FLNB: variants seen among roughly 807,000 people sequenced by gnomAD.
FLNB encodes filamin-B.
In FLNB, 111 loss-of-function variants were observed where a neutral mutation model predicts 250.6. The ratio of observed to expected loss-of-function variants is 0.44; its 90% CI spans 0.38 to 0.52. The LOEUF is 0.52. Ranked by LOEUF, FLNB falls within the 20% of genes least tolerant of loss-of-function variation. The pLI, the probability that FLNB is intolerant of heterozygous loss-of-function variation, is 0.00. For synonymous variants in FLNB, 1,302 were observed against 1,372.1 expected (o/e 0.95, Z 1.13); for missense variants, 2,869 against 3,447.8 (o/e 0.83, Z 4.20).
At chr3:58,152,806 C>T (rs767359468) in intron 38 of FLNB, 31 of 1,266,246 alleles carry the variant, frequency 2.4e-5, no homozygotes, top group Admixed American at 4.2e-5. Flanking sequence ...GCCCCGCATG[C>T]GGCCGCCTGG....
chr3:58,159,559 G>A lies in FLNB; in HGVS notation c.6894G>A (p.Ser2298=), dbSNP rs141740204. Residue 2298 remains serine, a synonymous_variant, in exon 42 of 46, where the codon TCG becomes TCA. Transcript: ENST00000295956. ...CTGATGTATTAAATTCTCAGGAATC[G>A]GGATTAAAAGTTAACCAGCCAGCAT... ...RRLTVMSLQE[S]GLKVNQPASF... is the part of the protein sequence containing the mutation. The A allele has an allele frequency of 1.2e-5, 19 of 1,613,984 alleles. No homozygotes were observed. The highest frequency in any genetic ancestry group is 9.9e-5 in the South Asian group (9 of 91,082).
intron 12 of FLNB, among the ~76,000 whole-genome samples, chr3:58,107,283 G>A (rs1164224511): frequency 6.6e-6 from 1 of 152,080 alleles, no homozygotes; most frequent in Non-Finnish European, 1.5e-5. Context: ...CACCCGCCTC[G>A]GCCCTCCCAA....
chr3:58,107,499 G>A (rs148771914), intron 12 of FLNB, among the ~76,000 whole-genome samples: 5 of 152,308 alleles, frequency 3.3e-5, no homozygotes, highest in African/African-American at 4.8e-5. Flanking sequence ...CATAAAGACC[G>A]CCTTTGGCTT....
rs547309885 is a variant in FLNB, at chr3:58,065,818, A to G, written c.293-11228A>G. On this transcript the variant is annotated intron_variant, in intron 1 of 45. Coordinates refer to ENST00000295956, the MANE Select transcript of FLNB (RefSeq NM_001457.4). ...GTTTCAGGTGAGGTGGCCTCACCAC[A>G]TGACAAACTGAGCTGGAGTCAAAGG... Among the ~76,000 whole-genome samples, 3 of 152,368 alleles carry G rather than the reference A, an allele frequency of 2.0e-5. No individual in the cohort carries two copies. The South Asian group carries it at 6.2e-4, about 32-fold the overall frequency.
Position 58,169,207 on chromosome 3 carries a change from G to C in FLNB, c.7418-383G>C, listed in dbSNP as rs925137189. ...GAAAAATCATCCTTTCTCATCCACAGAATCATTTTTTGATATTTCATTATA... is the reference window on the plus strand; with the variant it reads ...GAAAAATCATCCTTTCTCATCCACACAATCATTTTTTGATATTTCATTATA... On this transcript the variant is annotated intron_variant, in intron 44 of 45. Transcript: ENST00000295956. The surrounding 1 kb of genome is among the most constrained non-coding windows in gnomAD (Gnocchi z 4.8). 1.4e-5 allele frequency: 4 copies of C among 279,286 alleles called. No individual in the cohort carries two copies. Among genetic ancestry groups the C allele is most frequent in the Non-Finnish European group, 2.7e-5 (4 of 145,954 alleles). 17.3% of individuals were successfully genotyped at this position (279,286 alleles called of 1,614,324 possible).
chr3:58,077,169 A>G lies in FLNB; in HGVS notation c.416A>G (p.Gln139Arg). 6.2e-7 allele frequency: 1 copy of G among 1,614,196 alleles called. No homozygotes were observed. Among genetic ancestry groups the G allele is most frequent in the Non-Finnish European group, 8.5e-7 (1 of 1,180,020 alleles). Residue 139 changes from glutamine (Q) to arginine (R), a missense_variant, in exon 2 of 46, where the codon CAG becomes CGG. Gln to Arg is a conservative substitution (Grantham distance 43). Transcript: ENST00000295956. ...EDEGDDDAKK[Q>R]TPKQRLLGWI... ...GAAGGGGATGATGATGCCAAGAAGC[A>G]GACGCCAAAGCAGAGGCTGCTGGGG...
chr3:58,142,843 G>A lies in FLNB; in HGVS notation c.5284+91G>A. ...GGGGAGGTGTGTCCACTGTCCCCCAGACCCAGGCTCCTTAACCCAGGGTCA... is the reference window on the plus strand; with the variant it reads ...GGGGAGGTGTGTCCACTGTCCCCCAAACCCAGGCTCCTTAACCCAGGGTCA... On this transcript the variant is annotated intron_variant, in intron 31 of 45. Transcript: ENST00000295956. The surrounding 1 kb of genome is among the most constrained non-coding windows in gnomAD (Gnocchi z 4.3). 4.4e-6 allele frequency: 5 copies of A among 1,137,350 alleles called. No individual in the cohort carries two copies. In the South Asian group the frequency reaches 6.3e-5, roughly 14 times the overall value. The allele number at this position is 1,137,350 out of a possible 1,614,324, so 70.5% of individuals were successfully genotyped here. A position where few individuals can be genotyped will look rare whatever the true frequency, so the allele number is the denominator to read the frequency against.
intron 1 of FLNB, among the ~76,000 whole-genome samples, chr3:58,052,292 A>G (rs192934028): frequency 6.6e-6 from 1 of 152,308 alleles, no homozygotes; most frequent in East Asian, 1.9e-4. Context: ...CTCCATGTAG[A>G]TTAGTACCAC....
At chr3:58,085,852 C>T (rs1244757957) in intron 4 of FLNB, among the ~76,000 whole-genome samples, 1 of 152,204 alleles carries the variant, frequency 6.6e-6, no homozygotes, top group Non-Finnish European at 1.5e-5. Flanking sequence ...GTTCAACTTT[C>T]TAACCAGCCA....
chr3:58,086,853 G>A lies in FLNB; in HGVS notation c.787+5077G>A, dbSNP rs1041236892. Among the ~76,000 whole-genome samples the A allele has an allele frequency of 7.9e-5, 12 of 152,198 alleles. No homozygotes were observed. In the East Asian group the frequency reaches 9.6e-4, roughly 12 times the overall value. ...ATGATAGCTGGGCATGGTGGCTCAC[G>A]CCTGTAATCCCAGTACTTTGGGAGG... On this transcript the variant is annotated intron_variant, in intron 4 of 45. Coordinates refer to ENST00000295956, the MANE Select transcript of FLNB (RefSeq NM_001457.4).
chr3:58,141,953 TTGTGTTTC>T (rs2097327861), intron 30 of FLNB, 24 bp downstream of exon 30: 1 of 1,603,388 alleles, frequency 6.2e-7, no homozygotes, highest in African/African-American at 1.3e-5. Context: ...TTTTTCCTTT[TTGTGTTTC>T]TGTGTTTACT....
At chr3:58,122,896 G>A (rs2097291468) in intron 20 of FLNB, among the ~76,000 whole-genome samples, 197 bp from the exon 21 acceptor site, 1 of 152,160 alleles carries the variant, frequency 6.6e-6, no homozygotes, top group African/African-American at 2.4e-5. Flanking sequence ...GGTTTTCGCT[G>A]GTGATTGAGT....
chr3:58,136,746 C>CTTTTTTTTTTTTTTTTTTTTTTTTTT (rs57053256), intron 28 of FLNB, among the ~76,000 whole-genome samples: 2 of 79,798 alleles, frequency 2.5e-5, no homozygotes, highest in African/African-American at 1.1e-4. Flanking sequence ...ACAGGCCATT[C>CTTTTTTTTTTTTTTTTTTTTTTTTTT]TTTTTTTTTT....
rs77164545 is a variant in FLNB, at chr3:58,109,535, A to G, written c.2200-41A>G. 3.9e-3 allele frequency: 6,306 copies of G among 1,614,092 alleles called. 117 individuals are homozygous for G. The East Asian group carries it at 0.055, about 14-fold the overall frequency. On this transcript the variant is annotated intron_variant, in intron 14 of 45. Coordinates refer to ENST00000295956, the MANE Select transcript of FLNB (RefSeq NM_001457.4). ...TTTTAATAGTATTTTACTGGGTCCA[A>G]GTGGAGGAGAACTTGATGACCTTCT...
At chr3:58,023,679 T>C (rs1306039608) in intron 1 of FLNB, among the ~76,000 whole-genome samples, 1 of 152,254 alleles carries the variant, frequency 6.6e-6, no homozygotes, top group African/African-American at 2.4e-5. Context: ...AATTGAGTTA[T>C]TGCTGAGCTT....
chr3:58,108,539 G>A lies in FLNB; in HGVS notation c.2023G>A (p.Ala675Thr). The change falls in exon 13 of 46, where the codon GCT becomes ACT. Residue 675 changes from alanine (A) to threonine (T), a missense_variant. By Grantham distance (58) the Ala-to-Thr change is moderately conservative. Around this residue, in one of 5 missense-constraint regions of FLNB, gnomAD observed 1,348 missense variants for 1,466.7 expected, o/e 0.92. Transcript: ENST00000295956. ...LAEFTVDPKD[A>T]GKAPLKIFAQ... is the part of the protein sequence containing the mutation. Reference sequence around the variant, plus strand: ...CGAGTTCACTGTGGATCCTAAGGATGCTGGAAAAGCTCCCTTAAAGATATT... The same window carrying A: ...CGAGTTCACTGTGGATCCTAAGGATACTGGAAAAGCTCCCTTAAAGATATT... The A allele has an allele frequency of 6.2e-7, 1 of 1,613,842 alleles. No homozygotes were observed. The highest frequency in any genetic ancestry group is 8.5e-7 in the Non-Finnish European group (1 of 1,179,726).
Position 58,132,494 on chromosome 3 carries a change from T to A in FLNB, c.4391-314T>A, listed in dbSNP as rs141138019. 8.7e-4 allele frequency: 405 copies of A among 467,116 alleles called. 4 individuals carry two copies. The East Asian group carries it at 0.016, about 18-fold the overall frequency. The allele number at this position is 467,116 out of a possible 1,614,324, so 28.9% of individuals were successfully genotyped here. A position where few individuals can be genotyped will look rare whatever the true frequency, so the allele number is the denominator to read the frequency against. On this transcript the variant is annotated intron_variant, in intron 25 of 45. Coordinates refer to ENST00000295956, the MANE Select transcript of FLNB (RefSeq NM_001457.4). ...AACCAGCTTGAAAGGTTATATTGTG[T>A]CTTCAACACACATCATCCACATACA...
At chr3:58,140,569 G>T (rs1007084422) in intron 29 of FLNB, among the ~76,000 whole-genome samples, 52 of 152,238 alleles carry the variant, frequency 3.4e-4, no homozygotes, top group African/African-American at 1.2e-3. Flanking sequence ...GTTGAGAGGG[G>T]TTCCCTTGCT....
chr3:58,008,540 G>C lies in FLNB; in HGVS notation c.-25G>C. 6.4e-7 allele frequency: 1 copy of C among 1,566,798 alleles called. No homozygotes were observed. Among genetic ancestry groups the C allele is most frequent in the Non-Finnish European group, 8.6e-7 (1 of 1,156,836 alleles). ...ACACCAGTCCCCGGCAGCTCGTTGC[G>C]CATTGCGCTCTCCCCGCCACCAGGA... On this transcript the variant is annotated 5_prime_UTR_variant, in exon 1 of 46. Coordinates refer to ENST00000295956, the MANE Select transcript of FLNB (RefSeq NM_001457.4).
Sources: gnomAD v4.1 joint callset for allele counts (sites outside exome capture counted in the v4.1 genomes callset) on GRCh38, gnomAD v4.1.1 for gene constraint, gnomAD v4.1.1 regional missense constraint, Gnocchi (gnomAD v3.1) non-coding constraint, MANE v1.5 for transcripts, NCBI Gene and HGNC (gene_info 2026-07-23, HGNC 2026-07-21) for gene names.